The following TAX1BP1 variants were observed in gnomAD, a reference collection of about 807,000 sequenced individuals.
TAX1BP1 encodes the protein tax1-binding protein 1.
Under a neutral mutation model 97.7 loss-of-function variants are expected in TAX1BP1, and 62 were observed. The observed-to-expected ratio is 0.63, with a 90% CI of 0.52 to 0.78. The LOEUF is 0.78. TAX1BP1 is among the 30% of genes least tolerant of loss of function. The pLI, the probability that TAX1BP1 is intolerant of heterozygous loss-of-function variation, is 0.00. For synonymous variants in TAX1BP1, 340 were observed against 304.2 expected (o/e 1.12, Z -1.23); for missense variants, 867 against 916.1 (o/e 0.95, Z 0.69).
intron 15 of TAX1BP1, among the ~76,000 whole-genome samples, chr7:27,826,861 C>G (rs942972792): frequency 6.6e-6 from 1 of 152,180 alleles, no homozygotes; most frequent in African/African-American, 2.4e-5. Context: ...CATTGCTTTG[C>G]TTTAACACGT....
chr7:27,794,385 A>G lies in TAX1BP1; in HGVS notation c.1473A>G (p.Ser491=). The G allele has an allele frequency of 2.5e-6, 4 of 1,613,580 alleles. No individual in the cohort carries two copies. The highest frequency in any genetic ancestry group is 1.7e-6 in the Non-Finnish European group (2 of 1,179,692). ...ATCAGCAGAAAGTGAATGATGCTTCAGTAAACACAGACCCAGCCACTTCTG... is the reference window on the plus strand; with the variant it reads ...ATCAGCAGAAAGTGAATGATGCTTCGGTAAACACAGACCCAGCCACTTCTG... ...TGNQQKVNDA[S]VNTDPATSAS... is the part of the protein sequence containing the mutation. The change falls in exon 11 of 17, where the codon TCA becomes TCG. Residue 491 remains serine (S), a synonymous_variant. Coordinates refer to ENST00000396319, the MANE Select transcript of TAX1BP1 (RefSeq NM_006024.7).
At chr7:27,759,920 C>A (rs1430217932) in intron 3 of TAX1BP1, among the ~76,000 whole-genome samples, 1 of 147,238 alleles carries the variant, frequency 6.8e-6, no homozygotes, top group African/African-American at 2.5e-5. Flanking sequence ...ATGGTGTGAT[C>A]TCAGTTCACT....
chr7:27,792,160 A>G lies in TAX1BP1; in HGVS notation c.1193A>G (p.Asn398Ser), dbSNP rs781310454. ...GACCTGCATACTGCACGCTTGGAAA[A>G]CGAGAAAGTGAAAAAGCAGTTAGCT... ...MADLHTARLE[N>S]EKVKKQLADA... Residue 398 changes from asparagine (N) to serine (S), a missense_variant, in exon 9 of 17, where the codon AAC (asparagine) becomes AGC (serine). Asn to Ser is a conservative substitution (Grantham distance 46). Transcript: ENST00000396319. 1.2e-6 allele frequency: 2 copies of G among 1,613,944 alleles called. No homozygotes were observed. Among genetic ancestry groups the G allele is most frequent in the South Asian group, 2.2e-5 (2 of 91,080 alleles).
At chr7:27,781,520 A>G (rs1406794903) in intron 5 of TAX1BP1, among the ~76,000 whole-genome samples, 1 of 152,168 alleles carries the variant, frequency 6.6e-6, no homozygotes, top group East Asian at 1.9e-4. Flanking sequence ...AAGGTACAGT[A>G]AAAATATTGT....
intron 3 of TAX1BP1, 148 bp from the exon 4 acceptor site, chr7:27,765,686 T>C (rs1317932575): frequency 1.4e-6 from 1 of 698,924 alleles, no homozygotes; most frequent in African/African-American, 1.8e-5. Flanking sequence ...GAATCTAGTT[T>C]TGATAATTTG....
At chr7:27,769,580 C>A in intron 4 of TAX1BP1, 96 bp from the exon 5 acceptor site, 1 of 1,027,266 alleles carries the variant, frequency 9.7e-7, no homozygotes, top group Non-Finnish European at 1.4e-6. Context: ...CTGTGAATGT[C>A]TTCATTATTT....
intron 15 of TAX1BP1, 126 bp from the exon 16 acceptor site, chr7:27,827,609 AATG>A (rs1392087519): frequency 5.9e-6 from 4 of 674,974 alleles, no homozygotes; most frequent in Non-Finnish European, 1.0e-5. Context: ...AGTCTAATTA[AATG>A]ATAGCAGAGA....
At chr7:27,826,912 A>C (rs975401644) in intron 15 of TAX1BP1, among the ~76,000 whole-genome samples, 1 of 152,240 alleles carries the variant, frequency 6.6e-6, no homozygotes, top group African/African-American at 2.4e-5. Flanking sequence ...ATATGCATAT[A>C]CAAACTCACA....
intron 15 of TAX1BP1, among the ~76,000 whole-genome samples, chr7:27,819,543 C>T (rs1440856088): frequency 3.9e-5 from 6 of 152,152 alleles, no homozygotes; most frequent in South Asian, 2.1e-4. Flanking sequence ...AATCTGTGAG[C>T]GATCTCCAGT....
Position 27,769,566 on chromosome 7 carries a change from C to A in TAX1BP1, c.454-110C>A, listed in dbSNP as rs1042366868. The stretch of plus-strand genomic sequence containing the variant: ...ATAAAGTAGGTAGAATGTAAGAGTT[C>A]TTTCTGTGAATGTCTTCATTATTTT... On this transcript the variant is annotated intron_variant, in intron 4 of 16. Transcript: ENST00000396319. The A allele has an allele frequency of 6.7e-6, 6 of 895,106 alleles. No homozygotes were observed. In the African/African-American group the frequency reaches 8.5e-5, roughly 13 times the overall value. The allele number at this position is 895,106 out of a possible 1,614,324, so 55.4% of individuals were successfully genotyped here. A position where few individuals can be genotyped will look rare whatever the true frequency, so the allele number is the denominator to read the frequency against.
chr7:27,828,585 A>G, intron 16 of TAX1BP1, 43 bp from the exon 17 acceptor site: 2 of 1,583,468 alleles, frequency 1.3e-6, no homozygotes, highest in Non-Finnish European at 8.7e-7. Context: ...TTGTTGTTCT[A>G]CATTTATTAG....
At chr7:27,786,198 C>T (rs1263071890) in intron 7 of TAX1BP1, among the ~76,000 whole-genome samples, 1 of 149,064 alleles carries the variant, frequency 6.7e-6, no homozygotes, top group Non-Finnish European at 1.5e-5. Context: ...GTGGTGCGAT[C>T]TCGGCCCACT....
intron 13 of TAX1BP1, chr7:27,803,137 T>C: frequency 6.5e-7 from 1 of 1,548,094 alleles, no homozygotes; most frequent in Non-Finnish European, 8.7e-7. Flanking sequence ...GACAAAGAAA[T>C]AAGTGGTCTG....
In TAX1BP1 at chr7:27,748,684, A is replaced by C. The variant is rs975570239; in HGVS notation, c.160A>C (p.Lys54Gln). 1.3e-6 allele frequency: 2 copies of C among 1,524,050 alleles called. No homozygotes were observed. The highest frequency in any genetic ancestry group is 2.8e-5 in the African/African-American group (2 of 72,496). The allele number at this position is 1,524,050 out of a possible 1,614,324, so 94.4% of individuals were successfully genotyped here. The change falls in exon 2 of 17, where the codon AAG (lysine) becomes CAG (glutamine). Residue 54 changes from lysine (K) to glutamine (Q), a missense_variant and splice_region_variant. By Grantham distance (53) the Lys-to-Gln change is moderately conservative. Around this residue, in one of 3 missense-constraint regions of TAX1BP1, gnomAD observed 822 missense variants for 851.4 expected, o/e 0.97. Transcript: ENST00000396319. The stretch of plus-strand genomic sequence containing the variant: ...TCCAAAAGATTGGGTTGGTATATTC[A>C]AGGTAAGAAAGCTTTCTGAATATGT... ...PHPKDWVGIF[K>Q]VGWSTARDYY...
intron 8 of TAX1BP1, 106 bp from the exon 9 acceptor site, chr7:27,791,900 C>A: frequency 1.0e-6 from 1 of 971,754 alleles, no homozygotes; most frequent in Non-Finnish European, 1.5e-6. Flanking sequence ...GTAGAAAAAC[C>A]AATATCTAAA....
Position 27,793,210 on chromosome 7 carries a change from T to C in TAX1BP1, c.1408T>C (p.Ser470Pro). 6.4e-7 allele frequency: 1 copy of C among 1,570,440 alleles called. No homozygotes were observed. Among genetic ancestry groups the C allele is most frequent in the Non-Finnish European group, 8.6e-7 (1 of 1,169,018 alleles). Residue 470 changes from serine (S) to proline (P), a missense_variant and splice_region_variant, in exon 10 of 17, where the codon TCA (serine) becomes CCA (proline). Around this residue, in one of 3 missense-constraint regions of TAX1BP1, gnomAD observed 822 missense variants for 851.4 expected, o/e 0.97. Coordinates refer to ENST00000396319, the MANE Select transcript of TAX1BP1 (RefSeq NM_006024.7). ...ACAAATAAACAAACTTTCAGATCAATCAGTAAGTATCATTAAATTTACACA... is the reference window on the plus strand; with the variant it reads ...ACAAATAAACAAACTTTCAGATCAACCAGTAAGTATCATTAAATTTACACA... ...QKQINKLSDQ[S>P]ANNNNVFTKK...
Position 27,829,666 on chromosome 7 carries a change from C to T in TAX1BP1, c.*837C>T, listed in dbSNP as rs1583417851. 1 of 152,256 alleles carries T rather than the reference C, an allele frequency of 6.6e-6. No homozygotes were observed. 9.4% of individuals were successfully genotyped at this position (152,256 alleles called of 1,614,324 possible). ...TCAGTAAGTGATTAAAAGTACAATA[C>T]ATAAACCCAAATCAAAGTAATGTGT... is the stretch of plus-strand genomic sequence containing the variant. On this transcript the variant is annotated 3_prime_UTR_variant, in exon 17 of 17. Coordinates refer to ENST00000396319, the MANE Select transcript of TAX1BP1 (RefSeq NM_006024.7).
chr7:27,780,860 T>C (rs1789227953), intron 5 of TAX1BP1, among the ~76,000 whole-genome samples: 1 of 152,150 alleles, frequency 6.6e-6, no homozygotes, highest in Non-Finnish European at 1.5e-5. Context: ...CCCATAATTT[T>C]TGTATTGATA....
intron 13 of TAX1BP1, chr7:27,803,017 T>G: frequency 8.2e-7 from 1 of 1,221,550 alleles, no homozygotes; most frequent in Non-Finnish European, 1.1e-6. Flanking sequence ...TAATAGGAAT[T>G]ATTTTCGTAA....
Sources: gnomAD v4.1 joint callset for allele counts (sites outside exome capture counted in the v4.1 genomes callset) on GRCh38, gnomAD v4.1.1 for gene constraint, gnomAD v4.1.1 regional missense constraint, MANE v1.5 for transcripts, NCBI Gene and HGNC (gene_info 2026-07-23, HGNC 2026-07-21) for gene names.